SLC25A21: variants seen among roughly 807,000 people sequenced by gnomAD.
SLC25A21 encodes solute carrier family 25 member 21.
A neutral mutation model predicts 43.8 loss-of-function variants in SLC25A21; 47 were observed. The ratio of observed to expected loss-of-function variants is 1.07; its 90% confidence interval spans 0.85 to 1.37. SLC25A21 has a LOEUF of 1.37. SLC25A21 is among the 40% of genes most tolerant of loss of function. The pLI is 0.00. For missense variants in SLC25A21, 352 were observed against 350.2 expected (o/e 1.00, Z -0.04); for synonymous variants, 131 against 121.3 (o/e 1.08, Z -0.52).
intron 3 of SLC25A21, among the ~76,000 whole-genome samples, chr14:36,769,970 T>C (rs1335414018): frequency 1.3e-5 from 2 of 152,160 alleles, no homozygotes; most frequent in African/African-American, 4.8e-5. Flanking sequence ...GTCAGAGACT[T>C]TGGTATCTTT....
chr14:37,051,107 A>G (rs182621389), intron 1 of SLC25A21, among the ~76,000 whole-genome samples: 188 of 152,310 alleles, frequency 1.2e-3, no homozygotes, highest in African/African-American at 4.0e-3. Flanking sequence ...AAGATCTCCA[A>G]TTGTATATAA....
intron 1 of SLC25A21, among the ~76,000 whole-genome samples, chr14:37,088,528 A>G (rs1398629344): frequency 6.6e-6 from 1 of 152,220 alleles, no homozygotes; most frequent in African/African-American, 2.4e-5. Flanking sequence ...CCACGTATCT[A>G]AAAATCGATT....
chr14:36,985,893 G>T (rs1960135737), intron 1 of SLC25A21, among the ~76,000 whole-genome samples: 1 of 151,992 alleles, frequency 6.6e-6, no homozygotes, highest in South Asian at 2.1e-4. Context: ...TGCTCAAATT[G>T]TCCCAGATTT....
At chr14:36,793,494 A>G (rs900379000) in intron 3 of SLC25A21, among the ~76,000 whole-genome samples, 4 of 149,238 alleles carry the variant, frequency 2.7e-5, no homozygotes, top group Non-Finnish European at 5.9e-5. Context: ...AGCCTCTCCC[A>G]TGAGCCTTCT....
chr14:36,999,711 T>C (rs192928110), intron 1 of SLC25A21, among the ~76,000 whole-genome samples: 1 of 152,242 alleles, frequency 6.6e-6, no homozygotes, highest in Non-Finnish European at 1.5e-5. Flanking sequence ...AAAAGCCTAA[T>C]TATTGCCTCA....
At chr14:37,021,926 C>G (rs1272490408) in intron 1 of SLC25A21, among the ~76,000 whole-genome samples, 2 of 151,818 alleles carry the variant, frequency 1.3e-5, no homozygotes, top group Non-Finnish European at 2.9e-5. Context: ...ATAAACTGTA[C>G]TAATGCCTCC....
At chr14:36,829,309 C>G (rs1888949233) in intron 2 of SLC25A21, among the ~76,000 whole-genome samples, 1 of 152,086 alleles carries the variant, frequency 6.6e-6, no homozygotes, top group Non-Finnish European at 1.5e-5. Context: ...AATGAAGATC[C>G]CTGGCAGGTG....
intron 1 of SLC25A21, among the ~76,000 whole-genome samples, chr14:36,910,243 C>G (rs848700): frequency 0.25 from 37,595 of 152,130 alleles, 5,633 homozygotes; most frequent in East Asian, 0.61. Context: ...TAGATTACAA[C>G]TGATCCTGCA....
At chr14:36,682,838 T>G (rs998038402) in intron 9 of SLC25A21, among the ~76,000 whole-genome samples, 8 of 152,222 alleles carry the variant, frequency 5.3e-5, no homozygotes, top group Non-Finnish European at 8.8e-5. Context: ...TGGAAGTGTT[T>G]CCTAAATATA....
chr14:36,764,438 T>C (rs1886323067), intron 3 of SLC25A21, among the ~76,000 whole-genome samples: 2 of 149,600 alleles, frequency 1.3e-5, no homozygotes, highest in South Asian at 2.1e-4. Context: ...TTTTCTTATA[T>C]AGGCTCCATG....
At chr14:36,943,473 A>G (rs928429203) in intron 1 of SLC25A21, among the ~76,000 whole-genome samples, 16 of 152,298 alleles carry the variant, frequency 1.1e-4, no homozygotes, top group African/African-American at 3.8e-4. Flanking sequence ...GATTACAGGC[A>G]TAAGTCACCG....
intron 7 of SLC25A21, among the ~76,000 whole-genome samples, chr14:36,708,886 GT>G (rs1002529159): frequency 6.8e-5 from 10 of 146,690 alleles, no homozygotes; most frequent in Admixed American, 2.0e-4. Context: ...GCCAGCTCAG[GT>G]TTTTTTTTTA....
intron 1 of SLC25A21, among the ~76,000 whole-genome samples, chr14:36,945,390 G>C (rs749568805): frequency 6.6e-6 from 1 of 152,142 alleles, no homozygotes; most frequent in African/African-American, 2.4e-5. Flanking sequence ...TGAAAGCAGA[G>C]ACTTGAAGAG....
intron 7 of SLC25A21, among the ~76,000 whole-genome samples, chr14:36,700,932 T>C (rs1392027768): frequency 6.6e-6 from 1 of 152,128 alleles, no homozygotes; most frequent in Non-Finnish European, 1.5e-5. Flanking sequence ...ATGTGGTGCA[T>C]TGGAATCATA....
chr14:36,759,830 TG>T (rs1566582222), intron 3 of SLC25A21: 2 of 152,036 alleles, frequency 1.3e-5, no homozygotes, highest in African/African-American at 2.4e-5. Flanking sequence ...TAGCTGGGTG[TG>T]GTGGCGCATG....
In SLC25A21 at chr14:37,148,951, T is replaced by C. The variant is rs1480619359; in HGVS notation, c.70+23330A>G. On this transcript the variant is annotated intron_variant, in intron 1 of 9. Coordinates refer to ENST00000331299, the MANE Select transcript of SLC25A21 (RefSeq NM_030631.4). ...ATGCTGGATGACGGCTATTTAAATA[T>C]CCAAATTGAATGAACAAATGATGGC... Among the ~76,000 whole-genome samples the C allele has an allele frequency of 3.3e-5, 5 of 152,162 alleles. No individual in the cohort carries two copies. The South Asian group carries it at 8.3e-4, about 25-fold the overall frequency.
chr14:36,711,373 T>C lies in SLC25A21; in HGVS notation c.548A>G (p.Asn183Ser), dbSNP rs371976727. The C allele has an allele frequency of 6.8e-6, 11 of 1,614,026 alleles. No homozygotes were observed. Among genetic ancestry groups the C allele is most frequent in the Middle Eastern group, 3.3e-4 (2 of 6,084 alleles). ...GTAGTAGAAGCCAAAATAAACCATG[T>C]TGAAAACTCCATGTCGTCCCAAAGT... ...TATLGRHGVF[N>S]MVYFGFYYNV... The change falls in exon 7 of 10, where the codon AAC becomes AGC. Residue 183 changes from asparagine (N) to serine (S), a missense_variant. Asn to Ser is a conservative substitution (Grantham distance 46, BLOSUM62 1). Transcript: ENST00000331299.
chr14:36,879,930 T>G (rs2138564967), intron 1 of SLC25A21, among the ~76,000 whole-genome samples: 1 of 152,306 alleles, frequency 6.6e-6, no homozygotes, highest in South Asian at 2.1e-4. Flanking sequence ...AGGAATGTTT[T>G]TCTTCCGTAA....
chr14:36,939,329 A>G (rs1892500908), intron 1 of SLC25A21, among the ~76,000 whole-genome samples: 1 of 152,100 alleles, frequency 6.6e-6, no homozygotes, highest in Non-Finnish European at 1.5e-5. Context: ...TGTAAATACG[A>G]ATTCTCTATC....
Sources: gnomAD v4.1 joint callset for allele counts (sites outside exome capture counted in the v4.1 genomes callset) on GRCh38, gnomAD v4.1.1 for gene constraint, MANE v1.5 for transcripts, NCBI Gene and HGNC (gene_info 2026-07-23, HGNC 2026-07-21) for gene names.